Variants in CWC25 observed in about 807,000 individuals in gnomAD.
The protein encoded by CWC25 is CWC25 spliceosome associated protein, also known as pre-mRNA-splicing factor CWC25 homolog.
In CWC25, 31 loss-of-function variants were observed where a neutral mutation model predicts 54.6. The ratio of observed to expected loss-of-function variants is 0.57; its 90% CI spans 0.43 to 0.77. The LOEUF (loss-of-function observed/expected upper bound fraction) is 0.77, where lower values mean the gene tolerates loss of function less well. CWC25 is among the 30% of genes least tolerant of loss of function. CWC25 has a pLI of 0.00. For synonymous variants in CWC25, 151 were observed against 187.0 expected, an observed-to-expected ratio of 0.81 and a Z score of 1.57; for missense variants, 453 against 529.3, an observed-to-expected ratio of 0.86 and a Z score of 1.41.
Position 38,803,813 on chromosome 17 carries a change from G to C in CWC25, c.1002-952C>G, listed in dbSNP as rs552436370. ...AGCACTTTGGGAGGCTTAGGCAGGA[G>C]GATTGCTTGAGTCCAAGAGTTCAAG... On this transcript the variant is annotated intron_variant, in intron 8 of 9. Coordinates refer to ENST00000614790, the MANE Select transcript of CWC25 (RefSeq NM_017748.5). Among the ~76,000 whole-genome samples, 6 of 151,810 alleles carry C rather than the reference G, an allele frequency of 4.0e-5. No homozygotes were observed. The East Asian group carries it at 1.2e-3, about 29-fold the overall frequency.
chr17:38,817,117 G>A (rs1222328187), intron 2 of CWC25, among the ~76,000 whole-genome samples: 2 of 150,978 alleles, frequency 1.3e-5, no homozygotes, highest in African/African-American at 4.9e-5. Flanking sequence ...AAGACAGGCT[G>A]ATCACGAGGT....
chr17:38,818,188 C>T (rs1247333510), intron 2 of CWC25, among the ~76,000 whole-genome samples: 2 of 144,520 alleles, frequency 1.4e-5, no homozygotes, highest in African/African-American at 5.1e-5. Context: ...AGGCAAGAGA[C>T]CCGCTTGAAC....
intron 4 of CWC25, 128 bp downstream of exon 4, chr17:38,812,667 G>A: frequency 3.5e-6 from 2 of 565,952 alleles, no homozygotes; most frequent in Non-Finnish European, 6.3e-6. Context: ...CCACAACATG[G>A]TCTCTAAAAG....
intron 9 of CWC25, 57 bp downstream of exon 9, chr17:38,802,643 G>A (rs1382218971): frequency 6.3e-7 from 1 of 1,584,740 alleles, no homozygotes; most frequent in Non-Finnish European, 8.6e-7. Flanking sequence ...CCAGCTGCCA[G>A]CCTGCCTCTT....
chr17:38,820,680 T>C (rs1486824346), intron 2 of CWC25, among the ~76,000 whole-genome samples: 1 of 152,180 alleles, frequency 6.6e-6, no homozygotes, highest in Non-Finnish European at 1.5e-5. Flanking sequence ...TAAGAAGGCG[T>C]TGGGTATTAT....
intron 5 of CWC25, 75 bp from the exon 6 acceptor site, chr17:38,809,840 C>A: frequency 7.3e-7 from 1 of 1,372,200 alleles, no homozygotes. Flanking sequence ...TTATGCTGAA[C>A]TATGCTTCTT....
chr17:38,821,092 AG>A lies in CWC25; in HGVS notation c.19-20del. 6.2e-7 allele frequency: 1 copy of A among 1,605,994 alleles called. No individual in the cohort carries two copies. Among genetic ancestry groups the A allele is most frequent in the South Asian group, 1.1e-5 (1 of 90,156 alleles). On this transcript the variant is annotated intron_variant, in intron 1 of 9. Transcript: ENST00000614790. ...TCAGATTCTGTGGTAAATAAAAAGA[AG>A]GTGATGATAATTCGGGGGGTGACTG...
At chr17:38,817,326 C>A (rs146828809) in intron 2 of CWC25, among the ~76,000 whole-genome samples, 1 of 147,828 alleles carries the variant, frequency 6.8e-6, no homozygotes, top group Non-Finnish European at 1.5e-5. Context: ...GGTGACAGTG[C>A]GAGACTCGGT....
rs183539529 is a variant in CWC25, at chr17:38,817,959, C to A, written c.192-2862G>T. On this transcript the variant is annotated intron_variant, in intron 2 of 9. Transcript: ENST00000614790. ...CCAGCCTGGGAGACAGAGCAAGACT[C>A]TGACTCAAAAAATAATAATAATAAT... is the stretch of plus-strand genomic sequence containing the variant. Among the ~76,000 whole-genome samples, 379 of 151,400 alleles carry A rather than the reference C, an allele frequency of 2.5e-3. 3 individuals carry two copies. Among genetic ancestry groups the A allele is most frequent in the African/African-American group, 8.4e-3 (346 of 41,230 alleles).
At position 38,802,666 on chromosome 17, in the gene CWC25, A is replaced by G. The variant is rs141368171; in HGVS notation, c.1163+34T>C. 237 of 1,611,328 alleles carry G rather than the reference A, an allele frequency of 1.5e-4. 3 individuals carry two copies. The East Asian group carries it at 5.2e-3, about 35-fold the overall frequency. ...CAGCCTGCCTCTTAAGACCTTCCCC[A>G]TGAAAGACCCTGGCAGGAAGAAGAT... On this transcript the variant is annotated intron_variant, in intron 9 of 9. Transcript: ENST00000614790.
At chr17:38,812,217 A>G (rs1020351329) in intron 4 of CWC25, among the ~76,000 whole-genome samples, 1 of 152,004 alleles carries the variant, frequency 6.6e-6, no homozygotes, top group African/African-American at 2.4e-5. Flanking sequence ...AATTACAGGC[A>G]TGAGCCACCG....
chr17:38,811,560 A>T (rs889998861), intron 4 of CWC25, among the ~76,000 whole-genome samples: 2 of 151,746 alleles, frequency 1.3e-5, no homozygotes, highest in African/African-American at 4.8e-5. Context: ...AAAAAAAAAA[A>T]AGATTACTGA....
Position 38,802,077 on chromosome 17 carries a change from G to A in CWC25, c.*15C>T, listed in dbSNP as rs1180952522. 6.6e-7 allele frequency: 1 copy of A among 1,520,876 alleles called. No individual in the cohort carries two copies. The highest frequency in any genetic ancestry group is 1.7e-5 in the Admixed American group (1 of 59,510). The allele number at this position is 1,520,876 out of a possible 1,614,324, so 94.2% of individuals were successfully genotyped here. ...CTGGAAAATGCAGGAAAACCAATAA[G>A]AGAGGGGACAGTTTTCATCTTTTCA... On this transcript the variant is annotated 3_prime_UTR_variant, in exon 10 of 10. Coordinates refer to ENST00000614790, the MANE Select transcript of CWC25 (RefSeq NM_017748.5).
intron 4 of CWC25, among the ~76,000 whole-genome samples, chr17:38,811,413 G>A (rs1457089842): frequency 6.6e-6 from 1 of 151,830 alleles, no homozygotes; most frequent in African/African-American, 2.4e-5. Context: ...GGCGCCTGTA[G>A]TCCCAGCTAC....
chr17:38,812,936 A>T, intron 3 of CWC25, 72 bp from the exon 4 acceptor site: 3 of 848,172 alleles, frequency 3.5e-6, no homozygotes, highest in South Asian at 1.4e-5. Flanking sequence ...CTTTTCTCCA[A>T]ACATATACAG....
chr17:38,802,293 G>T, intron 9 of CWC25, 87 bp from the exon 10 acceptor site: 1 of 868,756 alleles, frequency 1.2e-6, no homozygotes, highest in Non-Finnish European at 1.8e-6. Context: ...TGGGTTGTTA[G>T]CCATAGAGCA....
At chr17:38,804,897 G>A (rs1598067489) in intron 8 of CWC25, among the ~76,000 whole-genome samples, 1 of 151,042 alleles carries the variant, frequency 6.6e-6, no homozygotes, top group African/African-American at 2.4e-5. Context: ...ACCTGAGGTT[G>A]GGAGTTCGAG....
intron 8 of CWC25, among the ~76,000 whole-genome samples, chr17:38,803,599 C>T (rs1911112738): frequency 6.6e-6 from 1 of 151,858 alleles, no homozygotes; most frequent in African/African-American, 2.4e-5. Flanking sequence ...CACTGCACTC[C>T]AGCCTGGGTG....
rs1003484161 is a variant in CWC25 at position 38,825,216 on chromosome 17, T to C, written c.-33A>G. ...GAGACGATTCCTCACTACGCGGATC[T>C]GGAAGATTTCGGGAGGATCAAGAGA... is the stretch of plus-strand genomic sequence containing the variant. On this transcript the variant is annotated 5_prime_UTR_variant, in exon 1 of 10. Transcript: ENST00000614790. The C allele has an allele frequency of 6.3e-7, 1 of 1,584,602 alleles. No homozygotes were observed. The highest frequency in any genetic ancestry group is 8.6e-7 in the Non-Finnish European group (1 of 1,166,402).
Sources: gnomAD v4.1 joint callset for allele counts (sites outside exome capture counted in the v4.1 genomes callset) on GRCh38, gnomAD v4.1.1 for gene constraint, MANE v1.5 for transcripts, NCBI Gene and HGNC (gene_info 2026-07-23, HGNC 2026-07-21) for gene names.